Variants in EPHA6 observed in about 807,000 individuals in gnomAD.
The protein encoded by EPHA6 is ephrin type-A receptor 6.
Under a neutral mutation model 112.0 loss-of-function variants are expected in EPHA6, and 50 were observed. That is an observed-to-expected ratio of 0.45 (90% CI 0.36 to 0.56). The LOEUF (loss-of-function observed/expected upper bound fraction) is 0.56. Among genes scored for constraint, EPHA6 ranks in the 20% least tolerant of loss-of-function variants. EPHA6 has a pLI of 0.00. For synonymous variants in EPHA6, 529 were observed against 490.7 expected, an observed-to-expected ratio of 1.08 and a Z score of -1.03; for missense variants, 1,280 against 1,417.4, an observed-to-expected ratio of 0.90 and a Z score of 1.56.
At chr3:97,644,700 A>T (rs949352460) in intron 14 of EPHA6, among the ~76,000 whole-genome samples, 1 of 150,002 alleles carries the variant, frequency 6.7e-6, no homozygotes, top group African/African-American at 2.4e-5. Context: ...GAAATGGATA[A>T]ATTCCTTGAC....
At chr3:97,313,187 C>T (rs1278528486) in intron 5 of EPHA6, among the ~76,000 whole-genome samples, 1 of 151,480 alleles carries the variant, frequency 6.6e-6, no homozygotes, top group Non-Finnish European at 1.5e-5. Context: ...CTTTGTCTGG[C>T]TTATTTCACT....
intron 5 of EPHA6, among the ~76,000 whole-genome samples, chr3:97,357,279 T>G (rs1409606384): frequency 6.6e-6 from 1 of 152,180 alleles, no homozygotes; most frequent in Non-Finnish European, 1.5e-5. Flanking sequence ...TGATCTCGGC[T>G]CACTGCAGTC....
chr3:97,284,654 G>C (rs2080404187), intron 5 of EPHA6, among the ~76,000 whole-genome samples: 2 of 152,268 alleles, frequency 1.3e-5, no homozygotes, highest in Admixed American at 6.5e-5. Context: ...CTATGGAGTA[G>C]AAGTACTGAA....
rs543370964 is a variant in EPHA6 at position 97,361,797 on chromosome 3, T to A, written c.1607-43353T>A. Among the ~76,000 whole-genome samples the A allele has an allele frequency of 8.5e-5, 13 of 152,312 alleles. No individual in the cohort carries two copies. In the South Asian group the frequency reaches 2.7e-3, roughly 32 times the overall value. On this transcript the variant is annotated intron_variant, in intron 5 of 17. Coordinates refer to ENST00000389672, the MANE Select transcript of EPHA6 (RefSeq NM_001080448.3). ...CCCAATCACTTTTTAAAGGCCCTAC[T>A]TCTCAATACTGCCACTTTGGGGATT...
chr3:97,067,418 A>C (rs2046210796), intron 3 of EPHA6, among the ~76,000 whole-genome samples: 1 of 152,054 alleles, frequency 6.6e-6, no homozygotes, highest in South Asian at 2.1e-4. Context: ...GAGATATATA[A>C]AGATTGTAAT....
chr3:97,680,181 G>T (rs2031746326), intron 14 of EPHA6, among the ~76,000 whole-genome samples: 1 of 152,144 alleles, frequency 6.6e-6, no homozygotes, highest in South Asian at 2.1e-4. Flanking sequence ...CGTAGTGGTA[G>T]GAATGGACTG....
intron 2 of EPHA6, among the ~76,000 whole-genome samples, chr3:96,871,606 A>G (rs541058763): frequency 1.3e-5 from 2 of 152,178 alleles, no homozygotes; most frequent in Admixed American, 1.3e-4. Context: ...TTAAATATAA[A>G]TAAAATATAC....
chr3:97,067,939 G>T (rs2046229472), intron 3 of EPHA6, among the ~76,000 whole-genome samples: 1 of 151,880 alleles, frequency 6.6e-6, no homozygotes, highest in South Asian at 2.1e-4. Flanking sequence ...GAGGCCAGGA[G>T]TTCGAGACCA....
At chr3:96,947,276 A>T (rs2041315089) in intron 2 of EPHA6, among the ~76,000 whole-genome samples, 1 of 152,070 alleles carries the variant, frequency 6.6e-6, no homozygotes, top group African/African-American at 2.4e-5. Flanking sequence ...CTTGAATGGT[A>T]TTGCCTAGGT....
At chr3:96,990,632 CAAAA>C (rs1259201823) in intron 3 of EPHA6, among the ~76,000 whole-genome samples, 1 of 151,848 alleles carries the variant, frequency 6.6e-6, no homozygotes, top group Admixed American at 6.6e-5. Flanking sequence ...TATTTATAAA[CAAAA>C]GAAATGTCAG....
intron 10 of EPHA6, among the ~76,000 whole-genome samples, chr3:97,516,384 C>G (rs142534495): frequency 6.6e-6 from 1 of 152,148 alleles, no homozygotes; most frequent in Non-Finnish European, 1.5e-5. Context: ...GAAGTTGAAT[C>G]AGAAGCATTA....
chr3:97,744,824 G>A (rs560567964), intron 16 of EPHA6, among the ~76,000 whole-genome samples: 5 of 151,934 alleles, frequency 3.3e-5, no homozygotes, highest in East Asian at 1.9e-4. Flanking sequence ...TGACTATGTC[G>A]GTGCATCGAG....
intron 3 of EPHA6, among the ~76,000 whole-genome samples, chr3:97,029,030 A>T (rs2044735213): frequency 2.0e-5 from 3 of 151,792 alleles, no homozygotes; most frequent in South Asian, 4.2e-4. Flanking sequence ...TAAAAACAAA[A>T]GTTAGAACAT....
chr3:97,611,435 C>T (rs995504997), intron 13 of EPHA6, among the ~76,000 whole-genome samples: 17 of 151,516 alleles, frequency 1.1e-4, no homozygotes, highest in Admixed American at 6.6e-4. Context: ...ATAGTATATA[C>T]GAAAAGTAAT....
chr3:97,429,828 G>A (rs887833047), intron 6 of EPHA6, among the ~76,000 whole-genome samples: 4 of 152,168 alleles, frequency 2.6e-5, no homozygotes, highest in African/African-American at 7.2e-5. Flanking sequence ...TCATGTGTTT[G>A]CAGACTCTGC....
intron 14 of EPHA6, among the ~76,000 whole-genome samples, chr3:97,650,450 T>C (rs2094099701): frequency 6.6e-6 from 1 of 152,082 alleles, no homozygotes; most frequent in Non-Finnish European, 1.5e-5. Flanking sequence ...CAGTTTGCGG[T>C]CATTACAGAG....
rs376888627 is a variant in EPHA6, at chr3:97,555,379, G to A, written c.2386+22836G>A. Among the ~76,000 whole-genome samples, 54 of 152,020 alleles carry A rather than the reference G, an allele frequency of 3.6e-4. 2 individuals carry two copies. Among genetic ancestry groups the A allele is most frequent in the South Asian group, 6.2e-4 (3 of 4,822 alleles). ...AGTCTTTGCTATTGTGAATAGTGCC[G>A]CAATAAACATACGTGTGCATGTGTC... On this transcript the variant is annotated intron_variant, in intron 11 of 17. Transcript: ENST00000389672.
chr3:97,031,108 A>G (rs911733011), intron 3 of EPHA6, among the ~76,000 whole-genome samples: 7 of 152,134 alleles, frequency 4.6e-5, no homozygotes, highest in African/African-American at 1.7e-4. Flanking sequence ...ATATAGGCCA[A>G]TGGAATAGAA....
chr3:97,592,588 A>G, intron 11 of EPHA6, 24 bp from the exon 12 acceptor site: 1 of 1,612,350 alleles, frequency 6.2e-7, no homozygotes, highest in Non-Finnish European at 8.5e-7. Flanking sequence ...ACTTTGATTA[A>G]TGTCAATTTT....
Sources: allele counts gnomAD v4.1 joint callset (sites outside exome capture counted in the v4.1 genomes callset), GRCh38; gene constraint gnomAD v4.1.1; transcripts MANE v1.5; gene names NCBI Gene and HGNC (gene_info 2026-07-23, HGNC 2026-07-21).